Variants in SLC35E2B observed in about 807,000 individuals in gnomAD.
SLC35E2B encodes solute carrier family 35, member E2B.
In SLC35E2B, 18 loss-of-function variants were observed where a neutral mutation model predicts 32.4. The observed-to-expected ratio is 0.56, with a 90% CI of 0.38 to 0.82. The LOEUF is 0.82. SLC35E2B is among the 40% of genes least tolerant of loss of function. The pLI is 0.00. For synonymous variants in SLC35E2B, 132 were observed against 209.1 expected, an observed-to-expected ratio of 0.63 and a Z score of 3.18; for missense variants, 263 against 469.5, an observed-to-expected ratio of 0.56 and a Z score of 4.06.
chr1:1,689,490 C>T (rs1351788967), intron 2 of SLC35E2B, among the ~76,000 whole-genome samples: 5 of 151,290 alleles, frequency 3.3e-5, no homozygotes, highest in Non-Finnish European at 5.9e-5. Context: ...AGCAGGGTCA[C>T]GATTCGAACC....
At chr1:1,670,301 T>TA in intron 6 of SLC35E2B, 150 bp from the exon 7 acceptor site, 1 of 618,262 alleles carries the variant, frequency 1.6e-6, no homozygotes, top group Non-Finnish European at 2.8e-6. Flanking sequence ...TTTTTATTTT[T>TA]AGTAGAGATA....
rs1643524972 is a variant in SLC35E2B, at chr1:1,665,735, G to A, written c.*47C>T. The A allele has an allele frequency of 4.5e-6, 7 of 1,539,666 alleles. No individual in the cohort carries two copies. In the East Asian group the frequency reaches 1.7e-4, roughly 38 times the overall value. ...AGGAGGGCGTCCCTGCCCATTTCTG[G>A]GGGATGCAGTGTCACGAGGACAGCA... On this transcript the variant is annotated 3_prime_UTR_variant, in exon 10 of 10. Coordinates refer to ENST00000617444, the MANE Select transcript of SLC35E2B (RefSeq NM_001290264.2).
rs1643470182 is a variant in SLC35E2B, at chr1:1,663,828, G to A, written c.*1954C>T. 1.1e-6 allele frequency: 1 copy of A among 912,802 alleles called. No individual in the cohort carries two copies. Among genetic ancestry groups the A allele is most frequent in the Non-Finnish European group, 1.3e-6 (1 of 763,556 alleles). 56.5% of individuals were successfully genotyped at this position (912,802 alleles called of 1,614,324 possible). ...AATGGAAATCCGGGGAAAGTCACGT[G>A]ACAAAACATCTTCGCAGCGCAGTGA... On this transcript the variant is annotated 3_prime_UTR_variant, in exon 10 of 10. Coordinates refer to ENST00000617444, the MANE Select transcript of SLC35E2B (RefSeq NM_001290264.2).
At chr1:1,671,334 T>G (rs1200123163) in intron 6 of SLC35E2B, 175 bp downstream of exon 6, 30 of 707,802 alleles carry the variant, frequency 4.2e-5, no homozygotes, top group Admixed American at 8.7e-5. Flanking sequence ...GGCTTATTTT[T>G]GAGAAACTTA....
chr1:1,665,049 G>A lies in SLC35E2B; in HGVS notation c.*733C>T. ...TAGGAGGGCAGGGTGCCCTGGGGTT[G>A]CGGGGAGCTCACGCAGCCCAGGGTG... On this transcript the variant is annotated 3_prime_UTR_variant, in exon 10 of 10. Coordinates refer to ENST00000617444, the MANE Select transcript of SLC35E2B (RefSeq NM_001290264.2). 2 of 850,892 alleles carry A rather than the reference G, an allele frequency of 2.4e-6. No individual in the cohort carries two copies. Among genetic ancestry groups the A allele is most frequent in the Non-Finnish European group, 2.8e-6 (2 of 707,188 alleles). 52.7% of individuals were successfully genotyped at this position (850,892 alleles called of 1,614,324 possible).
intron 2 of SLC35E2B, among the ~76,000 whole-genome samples, chr1:1,686,798 T>C (rs184303845): frequency 1.3e-5 from 2 of 151,216 alleles, no homozygotes; most frequent in Non-Finnish European, 2.9e-5. Flanking sequence ...GGCTCACGCC[T>C]GTAATCCCAG....
At position 1,662,841 on chromosome 1, in the gene SLC35E2B, G is replaced by A; in HGVS notation, c.*2941C>T. 6.1e-6 allele frequency: 5 copies of A among 819,612 alleles called. 1 individual carries two copies. Among genetic ancestry groups the A allele is most frequent in the Non-Finnish European group, 7.4e-6 (5 of 676,054 alleles). 50.8% of individuals were successfully genotyped at this position (819,612 alleles called of 1,614,324 possible). ...ACCACGACCATGGACACACCCAGTG[G>A]AAGTAACCACACCTGGTGTGTTCCT... On this transcript the variant is annotated 3_prime_UTR_variant, in exon 10 of 10. Transcript: ENST00000617444.
rs1001353011 is a variant in SLC35E2B at position 1,669,259 on chromosome 1, T to C, written c.834+405A>G. Reference sequence around the variant, plus strand: ...TGCAGGTCCCAGCTACTTGGGAAGCTGAGGCAGGAGAATAACTTGAGCCTG... The same window carrying C: ...TGCAGGTCCCAGCTACTTGGGAAGCCGAGGCAGGAGAATAACTTGAGCCTG... On this transcript the variant is annotated intron_variant, in intron 8 of 9. Transcript: ENST00000617444. Among the ~76,000 whole-genome samples, 40 of 151,854 alleles carry C rather than the reference T, an allele frequency of 2.6e-4. 1 individual carries two copies. Among genetic ancestry groups the C allele is most frequent in the African/African-American group, 8.7e-4 (36 of 41,318 alleles).
At chr1:1,675,196 C>A (rs1031671284) in intron 5 of SLC35E2B, among the ~76,000 whole-genome samples, 1 of 118,448 alleles carries the variant, frequency 8.4e-6, no homozygotes, top group African/African-American at 2.6e-5. Flanking sequence ...ATCTGCCCAG[C>A]CCCCACCTGT....
intron 8 of SLC35E2B, among the ~76,000 whole-genome samples, 157 bp downstream of exon 8, chr1:1,669,507 C>T (rs533589263): frequency 1.2e-4 from 18 of 152,302 alleles, no homozygotes; most frequent in South Asian, 4.1e-4. Context: ...CTGCAAACCC[C>T]GAGTGGCTCC....
chr1:1,673,431 A>G (rs1282015085), intron 5 of SLC35E2B: 8 of 322,578 alleles, frequency 2.5e-5, no homozygotes, highest in South Asian at 1.2e-4. Flanking sequence ...GCACTGTGGG[A>G]GGCTGAGGCG....
intron 2 of SLC35E2B, among the ~76,000 whole-genome samples, chr1:1,683,376 G>A (rs1237367207): frequency 1.3e-5 from 2 of 152,150 alleles, no homozygotes; most frequent in Admixed American, 6.5e-5. Flanking sequence ...GGGTTCCCAC[G>A]ACACCCTCCT....
intron 2 of SLC35E2B, among the ~76,000 whole-genome samples, chr1:1,687,235 C>A (rs756639893): frequency 6.6e-6 from 1 of 152,140 alleles, no homozygotes; most frequent in Non-Finnish European, 1.5e-5. Flanking sequence ...ACAGTCACAC[C>A]TGCACAGCGC....
intron 2 of SLC35E2B, among the ~76,000 whole-genome samples, chr1:1,685,777 C>T (rs755414236): frequency 1.3e-5 from 2 of 152,126 alleles, no homozygotes; most frequent in African/African-American, 2.4e-5. Flanking sequence ...TCCAGACACA[C>T]AAGTAGCTCC....
rs1192481901 is a variant in SLC35E2B, at chr1:1,683,741, CATCAGCATAAGCTCAGGTGTG to C, written c.-147-6916_-147-6896del. Reference sequence around the variant, plus strand: ...CTCTCCAGGGCCCCACCCCCTGCCTCATCAGCATAAGCTCAGGTGTGATCAGCATAAGCTCCGGGGTGATCT... The same window carrying C: ...CTCTCCAGGGCCCCACCCCCTGCCTCATCAGCATAAGCTCCGGGGTGATCT... On this transcript the variant is annotated intron_variant, in intron 2 of 9. Coordinates refer to ENST00000617444, the MANE Select transcript of SLC35E2B (RefSeq NM_001290264.2). 2.6e-5 allele frequency among the ~76,000 whole-genome samples: 4 copies of C among 152,242 alleles called. No homozygotes were observed. In the East Asian group the frequency reaches 5.8e-4, roughly 22 times the overall value.
In SLC35E2B at chr1:1,666,017, A is replaced by C. The variant is rs1453729571; in HGVS notation, c.983T>G (p.Val328Gly). Residue 328 changes from valine to glycine, a missense_variant and splice_region_variant, in exon 10 of 10, where the codon GTC becomes GGC. This residue lies in a region of SLC35E2B where 38 missense variants were observed against 56.9 expected (regional missense o/e 0.67). Coordinates refer to ENST00000617444, the MANE Select transcript of SLC35E2B (RefSeq NM_001290264.2). The stretch of plus-strand genomic sequence containing the variant: ...CAAGGCATGTTTCACGGTGCTGGCG[A>C]CGCTGCGGAGGCAAGGGGAGGCAGC... ...MGKISPVTFS[V>G]ASTVKHALSI... 3 of 1,550,174 alleles carry C rather than the reference A, an allele frequency of 1.9e-6. No homozygotes were observed. The highest frequency in any genetic ancestry group is 2.6e-6 in the Non-Finnish European group (3 of 1,146,054).
intron 2 of SLC35E2B, among the ~76,000 whole-genome samples, chr1:1,685,737 T>G (rs2101117259): frequency 6.6e-6 from 1 of 152,254 alleles, no homozygotes; most frequent in African/African-American, 2.4e-5. Flanking sequence ...GGACGCTGGA[T>G]GTGGGTACGC....
chr1:1,680,469 G>A (rs940838179), intron 2 of SLC35E2B, among the ~76,000 whole-genome samples: 2 of 152,152 alleles, frequency 1.3e-5, no homozygotes, highest in Admixed American at 6.5e-5. Context: ...CTTGGGACGG[G>A]CTACTAGGAG....
chr1:1,681,909 C>T (rs1405852653), intron 2 of SLC35E2B, among the ~76,000 whole-genome samples: 1 of 140,904 alleles, frequency 7.1e-6, no homozygotes, highest in African/African-American at 2.6e-5. Context: ...GGTGTGAACC[C>T]GGGAGGTGGA....
Sources: allele counts gnomAD v4.1 joint callset (sites outside exome capture counted in the v4.1 genomes callset), GRCh38; gene constraint gnomAD v4.1.1; regional missense constraint gnomAD v4.1.1; transcripts MANE v1.5; gene names NCBI Gene and HGNC (gene_info 2026-07-23, HGNC 2026-07-21).